The following FMO5 variants were observed in gnomAD, a reference collection of about 807,000 sequenced individuals.
The protein encoded by FMO5 is flavin-containing monooxygenase 5.
Under a neutral mutation model 43.6 loss-of-function variants are expected in FMO5, and 51 were observed. That is an observed-to-expected ratio of 1.17 (90% CI 0.93 to 1.48). The LOEUF is 1.48. Ranked by LOEUF, FMO5 falls within the 40% of genes most tolerant of loss-of-function variation. The pLI is 0.00. For synonymous variants in FMO5, 187 were observed against 216.5 expected, an observed-to-expected ratio of 0.86 and a Z score of 1.20; for missense variants, 644 against 643.0, an observed-to-expected ratio of 1.00 and a Z score of -0.02.
At position 147,204,349 on chromosome 1, in the gene FMO5, C is replaced by T; in HGVS notation, c.831-2845G>A. The T allele has an allele frequency of 3.0e-6, 3 of 1,009,010 alleles. No homozygotes were observed. The Admixed American group carries it at 5.1e-5, about 17-fold the overall frequency. 62.5% of individuals were successfully genotyped at this position (1,009,010 alleles called of 1,614,324 possible). A position where few individuals can be genotyped will look rare whatever the true frequency, so the allele number is the denominator to read the frequency against. ...TCTGATGTTATCAACTTTGAAATGG[C>T]CAGAATCAGGAAAAATAGATACGCA... On this transcript the variant is annotated intron_variant, in intron 6 of 8. Coordinates refer to ENST00000254090, the MANE Select transcript of FMO5 (RefSeq NM_001461.4).
chr1:147,225,171 A>G, intron 1 of FMO5, 105 bp from the exon 2 acceptor site: 1 of 1,505,542 alleles, frequency 6.6e-7, no homozygotes, highest in Non-Finnish European at 8.8e-7. Context: ...AGGTGTCTTG[A>G]GGAGGACAGA....
At chr1:147,196,810 G>C (rs1658094935) in intron 7 of FMO5, among the ~76,000 whole-genome samples, 1 of 151,946 alleles carries the variant, frequency 6.6e-6, no homozygotes. Flanking sequence ...ATTCTTTTCT[G>C]TCTCTCTTCT....
At chr1:147,187,534 G>C (rs1019831064) in intron 8 of FMO5, among the ~76,000 whole-genome samples, 1 of 152,170 alleles carries the variant, frequency 6.6e-6, no homozygotes, top group Admixed American at 6.5e-5. Context: ...CTTGAAGGAT[G>C]TGAAAGATAC....
Position 147,220,142 on chromosome 1 carries a change from GC to G in FMO5, c.136-4201del, listed in dbSNP as rs587631914. Among the ~76,000 whole-genome samples the G allele has an allele frequency of 1.6e-3, 236 of 152,112 alleles. 2 individuals carry two copies. The Middle Eastern group carries it at 0.037, about 24-fold the overall frequency. On this transcript the variant is annotated intron_variant, in intron 2 of 8. Transcript: ENST00000254090. ...CATGAGCCATCGCACCCAGTCATTT[GC>G]TTTTTTATATACTAGAATGAACAAC... is the stretch of plus-strand genomic sequence containing the variant.
In FMO5 at chr1:147,186,496, T is replaced by C. The variant is rs1553917021; in HGVS notation, c.*404A>G. The C allele has an allele frequency of 7.1e-6, 7 of 987,878 alleles. No individual in the cohort carries two copies. The highest frequency in any genetic ancestry group is 8.4e-6 in the Non-Finnish European group (7 of 831,264). 61.2% of individuals were successfully genotyped at this position (987,878 alleles called of 1,614,324 possible). ...CTAAAATTGAGCTTCTAATAGAAAA[T>C]CAAACCCTATCAGAAGAAGAGTTAC... On this transcript the variant is annotated 3_prime_UTR_variant, in exon 9 of 9. Transcript: ENST00000254090.
intron 3 of FMO5, chr1:147,214,673 T>C (rs1661679543): frequency 6.6e-6 from 1 of 152,080 alleles, no homozygotes; most frequent in South Asian, 2.1e-4. Context: ...GAACCTGATA[T>C]TTCATGTCCT....
At chr1:147,206,257 T>C (rs1660029027) in intron 6 of FMO5, among the ~76,000 whole-genome samples, 2 of 151,472 alleles carry the variant, frequency 1.3e-5, no homozygotes, top group Non-Finnish European at 2.9e-5. Flanking sequence ...CATTAAAAAG[T>C]CAGGAAACAA....
rs781791745 is a variant in FMO5, at chr1:147,201,493, T to C, written c.842A>G (p.Gln281Arg). The C allele has an allele frequency of 3.7e-6, 6 of 1,612,758 alleles. No individual in the cohort carries two copies. In the East Asian group the frequency reaches 1.3e-4, roughly 36 times the overall value. The change falls in exon 7 of 9, where the codon CAG becomes CGG. Residue 281 changes from glutamine (Q) to arginine (R), a missense_variant. Transcript: ENST00000254090. ...GLKPKHRALSQHPTLNDDLPN... is the reference protein window; with the variant it reads ...GLKPKHRALSRHPTLNDDLPN... The stretch of plus-strand genomic sequence containing the variant: ...CAGGTCATCATTTAAGGTTGGATGC[T>C]GACTCAGAGCTCTGTGAGTCGTGAC...
intron 3 of FMO5, among the ~76,000 whole-genome samples, chr1:147,214,630 G>T (rs1661670566): frequency 6.6e-6 from 1 of 151,974 alleles, no homozygotes; most frequent in African/African-American, 2.4e-5. Context: ...TCAGCTTTAA[G>T]AAAACTTTAT....
downstream of FMO5, among the ~76,000 whole-genome samples, chr1:147,184,824 G>A (rs1553916742): frequency 6.6e-6 from 1 of 152,028 alleles, no homozygotes; most frequent in Non-Finnish European, 1.5e-5. The surrounding 1 kb of genome is among the most constrained non-coding windows in gnomAD (Gnocchi z 4.4). Context: ...TTTTTGGAAG[G>A]AAGTCACTAT....
upstream of FMO5, among the ~76,000 whole-genome samples, chr1:147,227,127 C>G (rs1664034277): frequency 6.6e-6 from 1 of 152,130 alleles, no homozygotes; most frequent in South Asian, 2.1e-4. Flanking sequence ...ACAAGGCCAG[C>G]CTGTAAAATA....
rs782675203 is a variant in FMO5 at position 147,187,127 on chromosome 1, G to C, written c.1375C>G (p.Leu459Val). Residue 459 changes from leucine to valine, a missense_variant, in exon 9 of 9, where the codon CTG becomes GTG. Coordinates refer to ENST00000254090, the MANE Select transcript of FMO5 (RefSeq NM_001461.4). ...LLSLAFTDPK[L>V]ALHLLLGPCT... ...GGTCCCAGTAATAAGTGTAATGCCA[G>C]CTTGGGGTCAGTGAAGGCCAGAGAC... The C allele has an allele frequency of 1.9e-6, 3 of 1,614,016 alleles. No homozygotes were observed. The highest frequency in any genetic ancestry group is 1.7e-5 in the Admixed American group (1 of 59,998).
At chr1:147,214,992 AT>A (rs1481775309) in intron 3 of FMO5, 14 of 152,174 alleles carry the variant, frequency 9.2e-5, no homozygotes, top group African/African-American at 3.4e-4. Context: ...AGAAAAAGGC[AT>A]GACTTAGCAG....
chr1:147,212,304 C>A, intron 5 of FMO5, 89 bp downstream of exon 5: 2 of 1,329,924 alleles, frequency 1.5e-6, no homozygotes, highest in South Asian at 1.3e-5. Flanking sequence ...GTGCAGGTAT[C>A]CCTATTCTCT....
intron 6 of FMO5, chr1:147,205,019 C>T (rs1023615121): frequency 6.8e-6 from 5 of 740,226 alleles, no homozygotes; most frequent in Admixed American, 6.2e-5. Context: ...CCTGGAGATA[C>T]ATTCAGTCAC....
rs370843382 is a variant in FMO5, at chr1:147,208,856, G to T, written c.826C>A (p.His276Asn). Residue 276 changes from histidine to asparagine, a missense_variant, in exon 6 of 9, where the codon CAC becomes AAC. Coordinates refer to ENST00000254090, the MANE Select transcript of FMO5 (RefSeq NM_001461.4). ...ACTCCCATCCTGGGAACATACCTGT[G>T]TTTAGGCTTCAGGCCAAACATTTCA... Reference protein sequence around the residue: ...DHEMFGLKPKHRALSQHPTLN... With the variant: ...DHEMFGLKPKNRALSQHPTLN... The T allele has an allele frequency of 3.3e-5, 54 of 1,613,664 alleles. No homozygotes were observed. Among genetic ancestry groups the T allele is most frequent in the Non-Finnish European group, 4.4e-5 (52 of 1,179,624 alleles).
intron 6 of FMO5, among the ~76,000 whole-genome samples, chr1:147,206,767 G>C (rs587746873): frequency 3.9e-4 from 59 of 152,178 alleles, no homozygotes; most frequent in African/African-American, 1.1e-3. Flanking sequence ...CTGTTGTGGG[G>C]TGGGAAGAGT....
At chr1:147,217,782 T>A (rs919186882) in intron 2 of FMO5, among the ~76,000 whole-genome samples, 1 of 152,212 alleles carries the variant, frequency 6.6e-6, no homozygotes, top group Non-Finnish European at 1.5e-5. Context: ...ATTTTAGATG[T>A]TTTCCCATTT....
intron 6 of FMO5, chr1:147,204,963 C>T (rs1659716859): frequency 2.2e-6 from 3 of 1,345,316 alleles, no homozygotes; most frequent in South Asian, 1.2e-5. Flanking sequence ...TTCACGTGAC[C>T]GCTCAGAAGA....
Sources: gnomAD v4.1 joint callset for allele counts (sites outside exome capture counted in the v4.1 genomes callset) on GRCh38, gnomAD v4.1.1 for gene constraint, Gnocchi (gnomAD v3.1) non-coding constraint, MANE v1.5 for transcripts, NCBI Gene and HGNC (gene_info 2026-07-23, HGNC 2026-07-21) for gene names.